CASQ2: variants seen among roughly 807,000 people sequenced by gnomAD.
CASQ2 encodes the protein calsequestrin 2.
CASQ2 carries 49 observed loss-of-function variants against 46.5 expected under a neutral mutation model. The ratio of observed to expected loss-of-function variants is 1.05; its 90% confidence interval spans 0.84 to 1.34. The LOEUF (loss-of-function observed/expected upper bound fraction) is 1.34. CASQ2 is among the 40% of genes most tolerant of loss of function. The pLI is 0.00. For missense variants in CASQ2, 486 were observed against 481.3 expected (o/e 1.01, Z -0.09); for synonymous variants, 174 against 168.5 (o/e 1.03, Z -0.25).
chr1:115,759,292 C>A (rs1648862609), intron 1 of CASQ2, among the ~76,000 whole-genome samples: 1 of 152,080 alleles, frequency 6.6e-6, no homozygotes, highest in Non-Finnish European at 1.5e-5. Flanking sequence ...TGTGGGTGGG[C>A]CCCTTATAAA....
At position 115,727,092 on chromosome 1, in the gene CASQ2, C is replaced by T. The variant is rs1464844688; in HGVS notation, c.637G>A (p.Glu213Lys). The T allele has an allele frequency of 1.5e-5, 25 of 1,613,164 alleles. No homozygotes were observed. The highest frequency in any genetic ancestry group is 2.0e-5 in the Non-Finnish European group (24 of 1,179,182). ...VAKKLSLKMN[E>K]VDFYEPFMDE... is the part of the protein sequence containing the mutation. Reference sequence around the variant, plus strand: ...ATAAATGGCTCATAGAAGTCAACCTCATTCATCTTCAAAGATAATTTCTTT... The same window carrying T: ...ATAAATGGCTCATAGAAGTCAACCTTATTCATCTTCAAAGATAATTTCTTT... The change falls in exon 6 of 11, where the codon GAG becomes AAG. Residue 213 changes from glutamate (E) to lysine (K), a missense_variant. Coordinates refer to ENST00000261448, the MANE Select transcript of CASQ2 (RefSeq NM_001232.4).
chr1:115,702,967 T>C lies in CASQ2; in HGVS notation c.968A>G (p.Lys323Arg), dbSNP rs1320031139. Reference protein sequence around the residue: ...LLVAYWEKTFKIDLFRPQIGV... With the variant: ...LLVAYWEKTFRIDLFRPQIGV... ...AATCTGTGGCCTGAATAGGTCAATC[T>C]TGAAAGTCTTCTCCCAGTAGGCAAC... Residue 323 changes from lysine (K) to arginine (R), a missense_variant, in exon 10 of 11, where the codon AAG (lysine) becomes AGG (arginine). Lys to Arg is a conservative substitution (Grantham distance 26, BLOSUM62 2). Transcript: ENST00000261448. 1.2e-6 allele frequency: 2 copies of C among 1,613,448 alleles called. No homozygotes were observed. The highest frequency in any genetic ancestry group is 1.7e-6 in the Non-Finnish European group (2 of 1,179,822).
At chr1:115,755,884 C>T (rs1648743438) in intron 1 of CASQ2, among the ~76,000 whole-genome samples, 2 of 152,248 alleles carry the variant, frequency 1.3e-5, no homozygotes. Flanking sequence ...AGTGCAAGGA[C>T]TCAATCCCAG....
chr1:115,761,438 G>GTCA (rs1648937584), intron 1 of CASQ2, among the ~76,000 whole-genome samples: 1 of 9,734 alleles, frequency 1.0e-4, no homozygotes, highest in African/African-American at 6.6e-4. Context: ...AGAAGAAGAA[G>GTCA]AAAGAAGAAG....
chr1:115,713,199 G>A (rs114291211), intron 8 of CASQ2, among the ~76,000 whole-genome samples: 154 of 152,328 alleles, frequency 1.0e-3, no homozygotes, highest in Admixed American at 1.5e-3. Flanking sequence ...TTATAAAGAA[G>A]ATGTCAGCCT....
intron 6 of CASQ2, among the ~76,000 whole-genome samples, 162 bp from the exon 7 acceptor site, chr1:115,725,715 C>T (rs1000057740): frequency 1.3e-5 from 2 of 152,130 alleles, no homozygotes; most frequent in Non-Finnish European, 2.9e-5. Context: ...AGGAAACAGA[C>T]CTGCTCTACT....
intron 5 of CASQ2, among the ~76,000 whole-genome samples, chr1:115,731,200 A>G (rs1647770842): frequency 6.6e-6 from 1 of 152,224 alleles, no homozygotes; most frequent in South Asian, 2.1e-4. Context: ...ATTTTTAATC[A>G]TAGCCTGACC....
intron 7 of CASQ2, among the ~76,000 whole-genome samples, chr1:115,721,450 C>T (rs1364577077): frequency 6.6e-6 from 1 of 152,188 alleles, no homozygotes; most frequent in Non-Finnish European, 1.5e-5. Context: ...TAAAAACCTG[C>T]ACAATTAGAG....
chr1:115,709,944 G>A (rs565124926), intron 8 of CASQ2, among the ~76,000 whole-genome samples: 2 of 152,308 alleles, frequency 1.3e-5, no homozygotes, highest in South Asian at 4.1e-4. Context: ...CCAGGCTCAA[G>A]TGATTCTCCT....
intron 7 of CASQ2, among the ~76,000 whole-genome samples, chr1:115,722,651 C>T (rs1390807494): frequency 6.6e-6 from 1 of 152,158 alleles, no homozygotes; most frequent in East Asian, 1.9e-4. Context: ...GAAGATAAAG[C>T]CACAGCAGAA....
At chr1:115,732,292 T>A (rs1647814355) in intron 5 of CASQ2, 1 of 152,908 alleles carries the variant, frequency 6.5e-6, no homozygotes, top group African/African-American at 2.4e-5. Flanking sequence ...TACAACTAAT[T>A]AGGATAAACA....
chr1:115,739,016 G>T, intron 3 of CASQ2, among the ~76,000 whole-genome samples: 1 of 140,608 alleles, frequency 7.1e-6, no homozygotes, highest in Admixed American at 7.6e-5. Context: ...TTAACATAAT[G>T]TTCTCCAATT....
intron 1 of CASQ2, among the ~76,000 whole-genome samples, chr1:115,765,023 G>C (rs1649085821): frequency 6.6e-6 from 1 of 152,156 alleles, no homozygotes; most frequent in South Asian, 2.1e-4. Flanking sequence ...AAATACTTGA[G>C]AGCCATCAGA....
Position 115,738,350 on chromosome 1 carries a change from G to C in CASQ2, c.421-15C>G, listed in dbSNP as rs199939582. 5.0e-4 allele frequency: 717 copies of C among 1,423,534 alleles called. 5 individuals carry two copies. The highest frequency in any genetic ancestry group is 4.5e-3 in the South Asian group (397 of 87,278). The allele number at this position is 1,423,534 out of a possible 1,614,324, so 88.2% of individuals were successfully genotyped here. A position where few individuals can be genotyped will look rare whatever the true frequency, so the allele number is the denominator to read the frequency against. On this transcript the variant is annotated splice_polypyrimidine_tract_variant and intron_variant, in intron 3 of 10. Transcript: ENST00000261448. ...TCTTCAATTAGCTGAAATGCCACAC[G>C]CACATACACACATGTTCAAACAAGA... is the stretch of plus-strand genomic sequence containing the variant.
chr1:115,751,396 G>A (rs528293569), intron 1 of CASQ2, among the ~76,000 whole-genome samples: 74 of 149,534 alleles, frequency 4.9e-4, no homozygotes, highest in African/African-American at 1.6e-3. Context: ...AGGGCCGGGC[G>A]CGGTGGCTCA....
In CASQ2 at chr1:115,700,783, C is replaced by A. The variant is rs553281968; in HGVS notation, c.*458G>T. On this transcript the variant is annotated 3_prime_UTR_variant, in exon 11 of 11. Coordinates refer to ENST00000261448, the MANE Select transcript of CASQ2 (RefSeq NM_001232.4). Reference sequence around the variant, plus strand: ...TGGAGGAGGGATCCCAACTGATGTTCGAGGTATGGAGGGAGCTAAATCATT... The same window carrying A: ...TGGAGGAGGGATCCCAACTGATGTTAGAGGTATGGAGGGAGCTAAATCATT... 2 of 451,366 alleles carry A rather than the reference C, an allele frequency of 4.4e-6. No homozygotes were observed. The highest frequency in any genetic ancestry group is 7.7e-6 in the Non-Finnish European group (2 of 258,340). The allele number at this position is 451,366 out of a possible 1,614,324, so 28.0% of individuals were successfully genotyped here.
chr1:115,757,396 G>T (rs1438424655), intron 1 of CASQ2, among the ~76,000 whole-genome samples: 1 of 152,154 alleles, frequency 6.6e-6, no homozygotes, highest in Non-Finnish European at 1.5e-5. Context: ...ACCAAAATAA[G>T]TCTGACCTCA....
rs143718767 is a variant in CASQ2 at position 115,705,270 on chromosome 1, G to A, written c.861C>T (p.Ile287=). 3 of 1,613,380 alleles carry A rather than the reference G, an allele frequency of 1.9e-6. No homozygotes were observed. Among genetic ancestry groups the A allele is most frequent in the Admixed American group, 3.3e-5 (2 of 60,026 alleles). ...TATTGTCCCGGGCAACCTGTTTCAG[G>A]ATCTCCAGGAATTCGTAGCCATCTG... is the stretch of plus-strand genomic sequence containing the variant. ...SDPDGYEFLE[I]LKQVARDNTD... The change falls in exon 9 of 11, where the codon ATC becomes ATT. Residue 287 remains isoleucine (I), a synonymous_variant. Transcript: ENST00000261448.
rs1178107318 is a variant in CASQ2, at chr1:115,701,108, G to A, written c.*133C>T. 2 of 1,370,218 alleles carry A rather than the reference G, an allele frequency of 1.5e-6. No homozygotes were observed. The highest frequency in any genetic ancestry group is 2.1e-6 in the Non-Finnish European group (2 of 961,598). The allele number at this position is 1,370,218 out of a possible 1,614,324, so 84.9% of individuals were successfully genotyped here. Reference sequence around the variant, plus strand: ...TGATGCTGCTCCTGACGCAAAGGGAGTGGGAAAAGAGATGATGGAAAAGGG... The same window carrying A: ...TGATGCTGCTCCTGACGCAAAGGGAATGGGAAAAGAGATGATGGAAAAGGG... On this transcript the variant is annotated 3_prime_UTR_variant, in exon 11 of 11. Transcript: ENST00000261448.
Sources: gnomAD v4.1 joint callset for allele counts (sites outside exome capture counted in the v4.1 genomes callset) on GRCh38, gnomAD v4.1.1 for gene constraint, MANE v1.5 for transcripts, NCBI Gene and HGNC (gene_info 2026-07-23, HGNC 2026-07-21) for gene names.